Variants in RASEF observed in about 807,000 individuals in gnomAD.
The protein encoded by RASEF is RAS and EF-hand domain containing, also known as ras and EF-hand domain-containing protein.
RASEF carries 68 observed loss-of-function variants against 90.1 expected under a neutral mutation model. That is an observed-to-expected ratio of 0.75 (90% confidence interval 0.62 to 0.92). The LOEUF is 0.92. RASEF is among the 40% of genes least tolerant of loss of function. The pLI, the probability that RASEF is intolerant of heterozygous loss-of-function variation, is 0.00. For missense variants in RASEF, 949 were observed against 937.2 expected, an observed-to-expected ratio of 1.01 and a Z score of -0.16; for synonymous variants, 331 against 345.2, an observed-to-expected ratio of 0.96 and a Z score of 0.46.
chr9:83,098,006 G>T, the RASEF span, among the ~76,000 whole-genome samples: 1 of 152,076 alleles, frequency 6.6e-6, no homozygotes. Flanking sequence ...GTGAGTCTGG[G>T]AGTTAAATAT....
the RASEF span, among the ~76,000 whole-genome samples, chr9:83,095,510 G>A: frequency 8.0e-5 from 12 of 149,620 alleles, no homozygotes; most frequent in African/African-American, 1.5e-4. Flanking sequence ...AACCAGAGAG[G>A]AAGAAAATGG....
In RASEF at chr9:83,062,564, T is replaced by A. The variant is rs1374425990; in HGVS notation, c.304A>T (p.Ser102Cys). ...TCCTCGTCGCCTTCGTCCTCCTCGC[T>A]GTCGTGTGTCTCCGGCCCCGCCTCA... ...VSEAGPETHDSEEDEGDEDAA... is the reference protein window; with the variant it reads ...VSEAGPETHDCEEDEGDEDAA... The change falls in exon 1 of 17, where the codon AGC becomes TGC. Residue 102 changes from serine to cysteine, a missense_variant. By Grantham distance (112) the Ser-to-Cys change is moderately radical (BLOSUM62 -1). This residue lies in a region of RASEF where 656 missense variants were observed against 592.2 expected (regional missense o/e 1.11). Transcript: ENST00000376447. The A allele has an allele frequency of 3.8e-6, 6 of 1,595,092 alleles. No homozygotes were observed. Among genetic ancestry groups the A allele is most frequent in the Non-Finnish European group, 5.1e-6 (6 of 1,170,750 alleles).
chr9:83,191,595 G>A, the RASEF span, among the ~76,000 whole-genome samples: 3 of 152,156 alleles, frequency 2.0e-5, no homozygotes, highest in African/African-American at 7.2e-5. Context: ...CATGGTCTGT[G>A]ATTAGTTATA....
the RASEF span, among the ~76,000 whole-genome samples, chr9:83,142,108 T>A: frequency 2.6e-5 from 4 of 152,218 alleles, no homozygotes; most frequent in Non-Finnish European, 5.9e-5. Context: ...TAAACCTGTC[T>A]TGGCAACAGT....
At chr9:83,181,128 C>G in the RASEF span, among the ~76,000 whole-genome samples, 2 of 147,966 alleles carry the variant, frequency 1.4e-5, no homozygotes, top group African/African-American at 2.5e-5. Context: ...AATACTAGAT[C>G]TTGGCAAACA....
Position 83,007,431 on chromosome 9 carries a change from A to G in RASEF, c.1028+6T>C. The G allele has an allele frequency of 6.3e-7, 1 of 1,599,370 alleles. No individual in the cohort carries two copies. Among genetic ancestry groups the G allele is most frequent in the South Asian group, 1.1e-5 (1 of 90,772 alleles). On this transcript the variant is annotated splice_donor_region_variant and intron_variant, in intron 7 of 16. Coordinates refer to ENST00000376447, the MANE Select transcript of RASEF (RefSeq NM_152573.4). ...AATGTAATGAGCATTTGATCTGCGG[A>G]CTTACTGGAGTATTTCAATTTGCCT...
chr9:83,108,283 T>C, the RASEF span, among the ~76,000 whole-genome samples: 1 of 152,170 alleles, frequency 6.6e-6, no homozygotes, highest in African/African-American at 2.4e-5. Context: ...TCATGTCAGA[T>C]ACAATCTATA....
the RASEF span, among the ~76,000 whole-genome samples, chr9:83,148,280 T>A: frequency 2.1e-3 from 319 of 152,294 alleles, 1 homozygote; most frequent in African/African-American, 7.3e-3. Flanking sequence ...GGCTGAACTG[T>A]GATCCCCCAA....
chr9:83,195,072 G>C, the RASEF span, among the ~76,000 whole-genome samples: 1 of 152,200 alleles, frequency 6.6e-6, no homozygotes, highest in Non-Finnish European at 1.5e-5. Context: ...GTCTGTGACA[G>C]GCTTGGCCTT....
intron 1 of RASEF, among the ~76,000 whole-genome samples, chr9:83,045,157 C>T (rs1336856868): frequency 1.3e-5 from 2 of 152,142 alleles, no homozygotes; most frequent in Non-Finnish European, 1.5e-5. Flanking sequence ...ATAACACATA[C>T]ATTTTATATG....
chr9:83,207,497 G>A, the RASEF span, among the ~76,000 whole-genome samples: 5 of 152,068 alleles, frequency 3.3e-5, no homozygotes, highest in East Asian at 9.6e-4. Flanking sequence ...TTCTCCAGGG[G>A]GCCCTCTAAC....
chr9:83,094,152 A>AAAATTTTAAATTATACATG, the RASEF span, among the ~76,000 whole-genome samples: 6 of 151,774 alleles, frequency 4.0e-5, no homozygotes, highest in African/African-American at 1.5e-4. Context: ...CTATCATGAG[A>AAAATTTTAAATTATACATG]TGCCATTCCT....
the RASEF span, among the ~76,000 whole-genome samples, chr9:83,156,867 C>T: frequency 6.6e-6 from 1 of 152,298 alleles, no homozygotes; most frequent in African/African-American, 2.4e-5. Flanking sequence ...ATGATTTTGT[C>T]TAGTAATGTG....
chr9:83,028,595 T>C (rs567941938), intron 1 of RASEF, among the ~76,000 whole-genome samples: 77 of 152,256 alleles, frequency 5.1e-4, no homozygotes, highest in Non-Finnish European at 4.6e-4. Flanking sequence ...CCTCAGTAAC[T>C]GAAAAGCCAT....
In RASEF at chr9:83,000,926, C is replaced by A; in HGVS notation, c.1407G>T (p.Glu469Asp). The A allele has an allele frequency of 6.2e-7, 1 of 1,614,148 alleles. No homozygotes were observed. The highest frequency in any genetic ancestry group is 8.5e-7 in the Non-Finnish European group (1 of 1,180,018). The change falls in exon 10 of 17, where the codon GAG becomes GAT. Residue 469 changes from glutamate to aspartate, a missense_variant. Physicochemically the swap from Glu to Asp is conservative, Grantham distance 45 (BLOSUM62 2). Around this residue, in one of 3 missense-constraint regions of RASEF, gnomAD observed 288 missense variants for 328.4 expected, o/e 0.88. Transcript: ENST00000376447. Reference sequence around the variant, plus strand: ...TGTCTGAAGCATCACCTCCAAAGCTCTCCTGCACCCCGTGTGACCTCTGAA... The same window carrying A: ...TGTCTGAAGCATCACCTCCAAAGCTATCCTGCACCCCGTGTGACCTCTGAA... Reference protein sequence around the residue: ...RGFQRSHGVQESFGGDASDTD... With the variant: ...RGFQRSHGVQDSFGGDASDTD...
chr9:83,167,077 A>T, the RASEF span, among the ~76,000 whole-genome samples: 1 of 152,250 alleles, frequency 6.6e-6, no homozygotes, highest in South Asian at 2.1e-4. Flanking sequence ...CTCATCTGCA[A>T]GTGGGATCAA....
Position 83,001,128 on chromosome 9 carries a change from G to C in RASEF, c.1205C>G (p.Ser402Ter). 1 of 1,610,126 alleles carries C rather than the reference G, an allele frequency of 6.2e-7. No homozygotes were observed. Among genetic ancestry groups the C allele is most frequent in the Non-Finnish European group, 8.5e-7 (1 of 1,176,630 alleles). Residue 402 changes from serine to a stop codon, truncating the protein, a stop_gained and splice_region_variant, in exon 10 of 17, where the codon TCA becomes TGA. Coordinates refer to ENST00000376447, the MANE Select transcript of RASEF (RefSeq NM_152573.4). LOFTEE classifies it high-confidence loss of function. ...HSPQPLGYDR[S>*]SRSSYVDEDC... ...CTCATCCACATAGGAAGAGCGGGATGACCTGGTAATAAAGGGGAAGACCAA... is the reference window on the plus strand; with the variant it reads ...CTCATCCACATAGGAAGAGCGGGATCACCTGGTAATAAAGGGGAAGACCAA...
At chr9:83,045,918 G>A (rs1289209202) in intron 1 of RASEF, among the ~76,000 whole-genome samples, 1 of 151,814 alleles carries the variant, frequency 6.6e-6, no homozygotes, top group Non-Finnish European at 1.5e-5. Flanking sequence ...AGCACAGACT[G>A]TCCACCTGTG....
intron 8 of RASEF, 127 bp downstream of exon 8, chr9:83,005,289 A>G (rs1269198050): frequency 6.1e-6 from 4 of 653,930 alleles, no homozygotes; most frequent in Admixed American, 5.9e-5. Context: ...TATTTTATGG[A>G]AAGATCTTCT....
Sources: allele counts gnomAD v4.1 joint callset (sites outside exome capture counted in the v4.1 genomes callset), GRCh38; gene constraint gnomAD v4.1.1; regional missense constraint gnomAD v4.1.1; transcripts MANE v1.5; gene names NCBI Gene and HGNC (gene_info 2026-07-23, HGNC 2026-07-21).